Variants in TM2D3 observed in about 807,000 individuals in gnomAD.
TM2D3 encodes the protein TM2 domain-containing protein 3.
In TM2D3, 33 loss-of-function variants were observed where a neutral mutation model predicts 27.3. The ratio of observed to expected loss-of-function variants is 1.21; its 90% confidence interval spans 0.92 to 1.61. The LOEUF (loss-of-function observed/expected upper bound fraction) is 1.61. Among genes scored for constraint, TM2D3 ranks in the 40% most tolerant of loss-of-function variants. The pLI, the probability that TM2D3 is intolerant of heterozygous loss-of-function variation, is 0.00. For missense variants in TM2D3, 364 were observed against 320.8 expected, an observed-to-expected ratio of 1.13 and a Z score of -1.03; for synonymous variants, 138 against 122.2, an observed-to-expected ratio of 1.13 and a Z score of -0.85.
chr15:101,641,272 TAAACA>T (rs55775443), downstream of TM2D3, among the ~76,000 whole-genome samples: 239 of 151,484 alleles, frequency 1.6e-3, no homozygotes, highest in African/African-American at 5.6e-3. Flanking sequence ...AAGTTCCTCG[TAAACA>T]AAACAAAACA....
chr15:101,639,148 C>T (rs1274220504), downstream of TM2D3, among the ~76,000 whole-genome samples: 1 of 152,126 alleles, frequency 6.6e-6, no homozygotes, highest in Non-Finnish European at 1.5e-5. Context: ...CAAAATTAAC[C>T]AATAGGTCTA....
chr15:101,645,929 A>G (rs1896793791), intron 4 of TM2D3: 1 of 152,186 alleles, frequency 6.6e-6, no homozygotes, highest in African/African-American at 2.4e-5. Flanking sequence ...CCACTCTTGG[A>G]GAGAATATGG....
chr15:101,651,473 T>G, intron 2 of TM2D3: 1 of 484,014 alleles, frequency 2.1e-6, no homozygotes, highest in Non-Finnish European at 3.7e-6. Flanking sequence ...CAAATGAGCG[T>G]GGGATTGGAA....
downstream of TM2D3, among the ~76,000 whole-genome samples, chr15:101,641,282 A>G (rs1333896845): frequency 6.6e-6 from 1 of 152,148 alleles, no homozygotes; most frequent in Non-Finnish European, 1.5e-5. Context: ...TAAACAAAAC[A>G]AAACAAAACC....
At chr15:101,651,338 G>A in intron 2 of TM2D3, 1 of 248,586 alleles carries the variant, frequency 4.0e-6, no homozygotes. Flanking sequence ...AGTCCTGAGG[G>A]AGCCTTTAAT....
At chr15:101,634,530 G>A (rs1347763601) in intron 4 of TM2D3, 7 of 152,166 alleles carry the variant, frequency 4.6e-5, no homozygotes. Flanking sequence ...GTAATTGACA[G>A]AATAAGAACA....
At chr15:101,650,311 AT>A (rs1457960041) in intron 2 of TM2D3, 150 bp from the exon 3 acceptor site, 8 of 708,126 alleles carry the variant, frequency 1.1e-5, no homozygotes, top group African/African-American at 1.1e-4. Flanking sequence ...GACACCTGCA[AT>A]TAAAGCAGAA....
At chr15:101,638,622 T>C (rs144319960), downstream of TM2D3, among the ~76,000 whole-genome samples, 1 of 152,238 alleles carries the variant, frequency 6.6e-6, no homozygotes, top group Non-Finnish European at 1.5e-5. Flanking sequence ...CTGAGTTTTG[T>C]TGCGCCAGCA....
intron 3 of TM2D3, 50 bp downstream of exon 3, chr15:101,649,954 C>G (rs1421274899): frequency 6.5e-7 from 1 of 1,549,796 alleles, no homozygotes; most frequent in Admixed American, 1.9e-5. Context: ...GTTCTTCTAA[C>G]TTAAAGTTTA....
chr15:101,652,333 C>A lies in TM2D3; in HGVS notation c.29G>T (p.Gly10Val), dbSNP rs1897013235. ...CAGCACGCGACACAAGGCGCGGAGG[C>A]CCCTCAGCGGGAGCACCCCTCCCGC... MAGGVLPLR[G>V]LRALCRVLLF... The change falls in exon 1 of 6, where the codon GGC becomes GTC. Residue 10 changes from glycine to valine, a missense_variant. By Grantham distance (109) the Gly-to-Val change is moderately radical. Transcript: ENST00000333202. The A allele has an allele frequency of 6.2e-7, 1 of 1,601,816 alleles. No individual in the cohort carries two copies. The highest frequency in any genetic ancestry group is 8.5e-7 in the Non-Finnish European group (1 of 1,175,028).
At chr15:101,647,292 A>G (rs1422524185) in intron 3 of TM2D3, among the ~76,000 whole-genome samples, 2 of 152,222 alleles carry the variant, frequency 1.3e-5, no homozygotes, top group African/African-American at 4.8e-5. Context: ...GGCTGGAAGG[A>G]ACTGATGAAT....
At chr15:101,638,626 G>C (rs1023333723), downstream of TM2D3, among the ~76,000 whole-genome samples, 2 of 152,048 alleles carry the variant, frequency 1.3e-5, no homozygotes, top group African/African-American at 4.8e-5. Context: ...GTTTTGTTGC[G>C]CCAGCAGGGC....
At chr15:101,637,931 A>G (rs1042807365), downstream of TM2D3, among the ~76,000 whole-genome samples, 4 of 152,154 alleles carry the variant, frequency 2.6e-5, no homozygotes, top group African/African-American at 9.7e-5. Flanking sequence ...TTTGTGTTCT[A>G]TTCTACATTC....
downstream of TM2D3, among the ~76,000 whole-genome samples, chr15:101,638,254 T>C (rs1274932719): frequency 2.0e-5 from 3 of 151,630 alleles, no homozygotes; most frequent in African/African-American, 7.3e-5. Context: ...TACCTCTCTT[T>C]CTCCGAATTA....
At chr15:101,647,013 C>A (rs1281432569) in intron 3 of TM2D3, 114 bp from the exon 4 acceptor site, 7 of 1,118,412 alleles carry the variant, frequency 6.3e-6, no homozygotes, top group Non-Finnish European at 9.1e-6. Context: ...TATTTAGGAC[C>A]TAGGAGTAAG....
chr15:101,642,402 T>C lies in TM2D3; in HGVS notation c.*77A>G. On this transcript the variant is annotated 3_prime_UTR_variant, in exon 6 of 6. Transcript: ENST00000333202. Reference sequence around the variant, plus strand: ...TGTACATTAAAAACATAGAAATATATCACTCACACCACATCAACTCCTACG... The same window carrying C: ...TGTACATTAAAAACATAGAAATATACCACTCACACCACATCAACTCCTACG... 1 of 1,434,164 alleles carries C rather than the reference T, an allele frequency of 7.0e-7. No homozygotes were observed. The highest frequency in any genetic ancestry group is 9.2e-7 in the Non-Finnish European group (1 of 1,087,630). The allele number at this position is 1,434,164 out of a possible 1,614,324, so 88.8% of individuals were successfully genotyped here.
chr15:101,638,866 A>G (rs1896607035), downstream of TM2D3, among the ~76,000 whole-genome samples: 1 of 152,146 alleles, frequency 6.6e-6, no homozygotes. Context: ...TACCACTTTA[A>G]AAATTCTCAG....
At position 101,652,301 on chromosome 15, in the gene TM2D3, G is replaced by C; in HGVS notation, c.61C>G (p.Leu21Val). The change falls in exon 1 of 6, where the codon CTC (leucine) becomes GTC (valine). Residue 21 changes from leucine (L) to valine (V), a missense_variant. Leu to Val is a conservative substitution (Grantham distance 32). Coordinates refer to ENST00000333202, the MANE Select transcript of TM2D3 (RefSeq NM_078474.3). ...LRALCRVLLF[L>V]SQFCILSGGE... is the part of the protein sequence containing the mutation. ...CCCGACAGAATGCAGAACTGCGAGA[G>C]GAAGAGCAGCACGCGACACAAGGCG... The C allele has an allele frequency of 6.2e-7, 1 of 1,604,286 alleles. No homozygotes were observed. The highest frequency in any genetic ancestry group is 1.7e-4 in the Middle Eastern group (1 of 6,030).
intron 4 of TM2D3, chr15:101,634,239 G>A (rs1182880812): frequency 6.6e-6 from 1 of 152,486 alleles, no homozygotes; most frequent in Non-Finnish European, 1.5e-5. Context: ...TTCAAGACCA[G>A]CCTGGCTAAC....
Sources: allele counts gnomAD v4.1 joint callset (sites outside exome capture counted in the v4.1 genomes callset), GRCh38; gene constraint gnomAD v4.1.1; transcripts MANE v1.5; gene names NCBI Gene and HGNC (gene_info 2026-07-23, HGNC 2026-07-21).